The following ZNF583 variants were observed in gnomAD, a reference collection of about 807,000 sequenced individuals.
ZNF583 encodes zinc finger protein L3-5.
Under a neutral mutation model 55.3 loss-of-function variants are expected in ZNF583, and 30 were observed. That is an observed-to-expected ratio of 0.54 (90% CI 0.41 to 0.74). The LOEUF (loss-of-function observed/expected upper bound fraction) is 0.74, where lower values mean the gene tolerates loss of function less well. Ranked by LOEUF, ZNF583 falls within the 30% of genes least tolerant of loss-of-function variation. The probability of loss-of-function intolerance (pLI) is 0.00; values close to 1 mark genes in which losing one functional copy is unlikely to be tolerated. For synonymous variants in ZNF583, 208 were observed against 220.0 expected, an observed-to-expected ratio of 0.95 and a Z score of 0.48; for missense variants, 504 against 664.7, an observed-to-expected ratio of 0.76 and a Z score of 2.66.
intron 4 of ZNF583, among the ~76,000 whole-genome samples, chr19:56,420,171 T>C (rs933309872): frequency 6.6e-6 from 1 of 152,226 alleles, no homozygotes; most frequent in South Asian, 2.1e-4. Context: ...ATTTCTCTTG[T>C]ATACTCTGAC....
chr19:56,422,752 T>G (rs897673978), intron 4 of ZNF583, 139 bp from the exon 5 acceptor site: 3 of 564,292 alleles, frequency 5.3e-6, no homozygotes, highest in Non-Finnish European at 8.8e-6. Context: ...ATTCTTATTA[T>G]TTATAATGTC....
At chr19:56,419,205 T>C (rs544467095) in intron 4 of ZNF583, among the ~76,000 whole-genome samples, 1 of 150,350 alleles carries the variant, frequency 6.7e-6, no homozygotes, top group South Asian at 2.1e-4. Context: ...CTTTTTTTTT[T>C]TTTTTTTTTG....
Position 56,423,775 on chromosome 19 carries a change from A to G in ZNF583, c.1117A>G (p.Ile373Val). The change falls in exon 5 of 5, where the codon ATT becomes GTT. Residue 373 changes from isoleucine to valine, a missense_variant. Ile to Val is a conservative substitution (Grantham distance 29). Transcript: ENST00000333201. The stretch of plus-strand genomic sequence containing the variant: ...TGGATACCTAATTGTACATCAGAGA[A>G]TTCATACTGGAGAGAGACCCTACGA... ...HRGYLIVHQRIHTGERPYECK... is the reference protein window; with the variant it reads ...HRGYLIVHQRVHTGERPYECK... 6.2e-7 allele frequency: 1 copy of G among 1,613,030 alleles called. No individual in the cohort carries two copies. The highest frequency in any genetic ancestry group is 2.2e-5 in the East Asian group (1 of 44,802).
In ZNF583 at chr19:56,424,169, G is replaced by T; in HGVS notation, c.1511G>T (p.Ser504Ile). The stretch of plus-strand genomic sequence containing the variant: ...GTTTGTGGGAAAGCATTTAGCTATA[G>T]TGGATCTCTTACTCTACATCAGAGA... Reference protein sequence around the residue: ...CNVCGKAFSYSGSLTLHQRIH... With the variant: ...CNVCGKAFSYIGSLTLHQRIH... The change falls in exon 5 of 5, where the codon AGT becomes ATT. Residue 504 changes from serine (S) to isoleucine (I), a missense_variant. Transcript: ENST00000333201. The T allele has an allele frequency of 6.2e-7, 1 of 1,612,002 alleles. No homozygotes were observed. Among genetic ancestry groups the T allele is most frequent in the Non-Finnish European group, 8.5e-7 (1 of 1,178,524 alleles).
rs2042473333 is a variant in ZNF583 at position 56,424,444 on chromosome 19, T to C, written c.*76T>C. ...CCAATGCACATTAATATATTTGACA[T>C]GGGATACTCGAGTAGCTTTCTAATT... On this transcript the variant is annotated 3_prime_UTR_variant, in exon 5 of 5. Coordinates refer to ENST00000333201, the MANE Select transcript of ZNF583 (RefSeq NM_152478.3). The C allele has an allele frequency of 1.5e-6, 1 of 677,522 alleles. No homozygotes were observed. The highest frequency in any genetic ancestry group is 2.6e-6 in the Non-Finnish European group (1 of 390,712). The allele number at this position is 677,522 out of a possible 1,614,324, so 42.0% of individuals were successfully genotyped here.
In ZNF583 at chr19:56,423,325, C is replaced by T; in HGVS notation, c.667C>T (p.Gln223Ter). 1 of 1,613,046 alleles carries T rather than the reference C, an allele frequency of 6.2e-7. No homozygotes were observed. The highest frequency in any genetic ancestry group is 8.5e-7 in the Non-Finnish European group (1 of 1,179,714). Residue 223 changes from glutamine (Q) to a stop codon, truncating the protein, a stop_gained, in exon 5 of 5, where the codon CAG (glutamine) becomes TAG (stop). Transcript: ENST00000333201. LOFTEE classifies it high-confidence loss of function. ...KCNDCEKVFN[Q>*]SSSLTLHQRI... ...TAATGATTGTGAGAAAGTCTTCAAC[C>T]AGAGCTCATCCCTTACTCTTCATCA... is the stretch of plus-strand genomic sequence containing the variant.
chr19:56,426,754 A>G lies in ZNF583; in HGVS notation c.*2386A>G, dbSNP rs1165141123. 6 of 152,196 alleles carry G rather than the reference A, an allele frequency of 3.9e-5. No individual in the cohort carries two copies. The highest frequency in any genetic ancestry group is 1.2e-4 in the African/African-American group (5 of 41,448). The allele number at this position is 152,196 out of a possible 1,614,324, so 9.4% of individuals were successfully genotyped here. A position where few individuals can be genotyped will look rare whatever the true frequency, so the allele number is the denominator to read the frequency against. On this transcript the variant is annotated 3_prime_UTR_variant, in exon 5 of 5. Transcript: ENST00000333201. ...ATTAATAAAACTGCATTGAAAGCAT[A>G]CAAAAAGAGATACTATGCACTAATT...
intron 4 of ZNF583, chr19:56,421,536 T>A (rs1480157226): frequency 1.0e-6 from 1 of 978,314 alleles, no homozygotes; most frequent in Non-Finnish European, 1.2e-6. Context: ...GTATGTTGCC[T>A]TCAGATTCTT....
At chr19:56,409,130 T>A (rs1235142791) in intron 2 of ZNF583, among the ~76,000 whole-genome samples, 1 of 152,226 alleles carries the variant, frequency 6.6e-6, no homozygotes, top group African/African-American at 2.4e-5. Flanking sequence ...TCTTTTGTTT[T>A]TTGTGGCATA....
intron 1 of ZNF583, among the ~76,000 whole-genome samples, chr19:56,405,729 G>C (rs181071888): frequency 6.6e-6 from 1 of 152,300 alleles, no homozygotes; most frequent in East Asian, 1.9e-4. Context: ...CCATGTGCTG[G>C]TTATGAAAAT....
At chr19:56,407,270 A>G (rs1164891335) in intron 2 of ZNF583, 147 bp downstream of exon 2, 2 of 897,632 alleles carry the variant, frequency 2.2e-6, no homozygotes, top group Non-Finnish European at 3.4e-6. Context: ...TTCCAGTAAA[A>G]GTCTCCAAAA....
chr19:56,408,806 A>G (rs984255504), intron 2 of ZNF583, among the ~76,000 whole-genome samples: 5 of 152,198 alleles, frequency 3.3e-5, no homozygotes, highest in African/African-American at 9.7e-5. Flanking sequence ...CTTACTTGGA[A>G]TGAAATCCAG....
intron 4 of ZNF583, among the ~76,000 whole-genome samples, chr19:56,420,605 C>CTA (rs1335683846): frequency 6.6e-6 from 1 of 152,158 alleles, no homozygotes; most frequent in Admixed American, 6.5e-5. Flanking sequence ...GGTGCACAGA[C>CTA]ATTAAAGATT....
At chr19:56,412,862 C>A (rs1447539027) in intron 2 of ZNF583, among the ~76,000 whole-genome samples, 1 of 152,170 alleles carries the variant, frequency 6.6e-6, no homozygotes, top group Non-Finnish European at 1.5e-5. Flanking sequence ...AGATCAACTT[C>A]ATTTTATCTG....
chr19:56,410,945 A>T (rs1424248032), intron 2 of ZNF583, among the ~76,000 whole-genome samples: 1 of 152,054 alleles, frequency 6.6e-6, no homozygotes, highest in African/African-American at 2.4e-5. Flanking sequence ...GGGAGTAGGC[A>T]TGGGGGTGAA....
intron 4 of ZNF583, among the ~76,000 whole-genome samples, chr19:56,422,126 C>T (rs570298750): frequency 6.6e-6 from 1 of 152,294 alleles, no homozygotes; most frequent in African/African-American, 2.4e-5. Context: ...GATCAGAGAA[C>T]ACCAGGTCAT....
Position 56,423,499 on chromosome 19 carries a change from G to T in ZNF583, c.841G>T (p.Ala281Ser), listed in dbSNP as rs755405446. 6.2e-7 allele frequency: 1 copy of T among 1,613,896 alleles called. No homozygotes were observed. Among genetic ancestry groups the T allele is most frequent in the East Asian group, 2.2e-5 (1 of 44,856 alleles). Residue 281 changes from alanine (A) to serine (S), a missense_variant, in exon 5 of 5, where the codon GCA becomes TCA. By Grantham distance (99) the Ala-to-Ser change is moderately conservative. Around this residue, in one of 3 missense-constraint regions of ZNF583, gnomAD observed 237 missense variants for 373.0 expected, o/e 0.64. Transcript: ENST00000333201. ...KECRKAFSQNAHLAQHQRVHT... is the reference protein window; with the variant it reads ...KECRKAFSQNSHLAQHQRVHT... Reference sequence around the variant, plus strand: ...ATGTAGGAAAGCCTTCAGCCAGAATGCACACCTGGCCCAACATCAGAGAGT... The same window carrying T: ...ATGTAGGAAAGCCTTCAGCCAGAATTCACACCTGGCCCAACATCAGAGAGT...
At chr19:56,419,119 T>A (rs1388213949) in intron 4 of ZNF583, among the ~76,000 whole-genome samples, 1 of 152,146 alleles carries the variant, frequency 6.6e-6, no homozygotes, top group African/African-American at 2.4e-5. Flanking sequence ...CTGTTAATAT[T>A]TTCCTAGATT....
chr19:56,420,337 C>A (rs1170970643), intron 4 of ZNF583, among the ~76,000 whole-genome samples: 1 of 152,112 alleles, frequency 6.6e-6, no homozygotes, highest in Non-Finnish European at 1.5e-5. Context: ...TTGGTTTATG[C>A]CCCAGAATAT....
Sources: allele counts gnomAD v4.1 joint callset (sites outside exome capture counted in the v4.1 genomes callset), GRCh38; gene constraint gnomAD v4.1.1; regional missense constraint gnomAD v4.1.1; transcripts MANE v1.5; gene names NCBI Gene and HGNC (gene_info 2026-07-23, HGNC 2026-07-21).